JPH2: variants seen among roughly 807,000 people sequenced by gnomAD.
The protein encoded by JPH2 is junctophilin 2.
JPH2 carries 38 observed loss-of-function variants against 55.9 expected under a neutral mutation model. The observed-to-expected ratio is 0.68, with a 90% CI of 0.52 to 0.89. JPH2 has a LOEUF of 0.89. Ranked by LOEUF, JPH2 falls within the 40% of genes least tolerant of loss-of-function variation. The pLI, the probability that JPH2 is intolerant of heterozygous loss-of-function variation, is 0.00. For synonymous variants in JPH2, 480 were observed against 472.4 expected (o/e 1.02, Z -0.21); for missense variants, 964 against 1,037.6 (o/e 0.93, Z 0.97).
chr20:44,183,056 G>C (rs1443569660), intron 1 of JPH2, among the ~76,000 whole-genome samples: 1 of 151,602 alleles, frequency 6.6e-6, no homozygotes, highest in African/African-American at 2.4e-5. Context: ...CACACACACA[G>C]ACACGTGCAC....
At chr20:44,173,931 A>C (rs2072716038) in intron 1 of JPH2, among the ~76,000 whole-genome samples, 1 of 152,122 alleles carries the variant, frequency 6.6e-6, no homozygotes, top group African/African-American at 2.4e-5. Flanking sequence ...CAAACAAACA[A>C]ACAATTCATC....
At position 44,111,904 on chromosome 20, in the gene JPH2, A is replaced by G. The variant is rs2072148666; in HGVS notation, c.*1614T>C. ...CAGCACAGAGCAGTGGCCCCGCCCC[A>G]TTCCCCTCATGCTCCAGGAGTCTTG... On this transcript the variant is annotated 3_prime_UTR_variant, in exon 6 of 6. Coordinates refer to ENST00000372980, the MANE Select transcript of JPH2 (RefSeq NM_020433.5). 6.6e-6 allele frequency: 1 copy of G among 152,434 alleles called. No individual in the cohort carries two copies. Among genetic ancestry groups the G allele is most frequent in the South Asian group, 2.1e-4 (1 of 4,826 alleles). The allele number at this position is 152,434 out of a possible 1,614,324, so 9.4% of individuals were successfully genotyped here. A position where few individuals can be genotyped will look rare whatever the true frequency, so the allele number is the denominator to read the frequency against.
At chr20:44,185,390 G>A (rs570250196) in intron 1 of JPH2, among the ~76,000 whole-genome samples, 8 of 151,854 alleles carry the variant, frequency 5.3e-5, no homozygotes, top group Non-Finnish European at 8.8e-5. Context: ...TTGGGAGGCC[G>A]AGACAGGCAG....
At chr20:44,161,095 AATC>A (rs1169646722) in intron 1 of JPH2, among the ~76,000 whole-genome samples, 1 of 152,028 alleles carries the variant, frequency 6.6e-6, no homozygotes, top group Admixed American at 6.6e-5. Context: ...CACACACACA[AATC>A]ATGAGTGTGC....
chr20:44,182,888 G>C (rs2072797283), intron 1 of JPH2, among the ~76,000 whole-genome samples: 1 of 152,186 alleles, frequency 6.6e-6, no homozygotes, highest in Non-Finnish European at 1.5e-5. Flanking sequence ...AGTAGTACTG[G>C]TTGCATGAAT....
chr20:44,156,174 T>C (rs1305945593), intron 2 of JPH2, among the ~76,000 whole-genome samples: 2 of 152,030 alleles, frequency 1.3e-5, no homozygotes, highest in Admixed American at 1.3e-4. Flanking sequence ...GAAGAAGACA[T>C]TGATGGAAAA....
At chr20:44,114,951 T>C in intron 4 of JPH2, 75 bp from the exon 5 acceptor site, 1 of 1,184,116 alleles carries the variant, frequency 8.4e-7, no homozygotes, top group Non-Finnish European at 1.2e-6. Context: ...ACAGCAAGGC[T>C]GGACAGAGCA....
rs922344482 is a variant in JPH2 at position 44,116,322 on chromosome 20, C to T, written c.1353G>A (p.Glu451=). 2.6e-6 allele frequency: 4 copies of T among 1,544,770 alleles called. No homozygotes were observed. The highest frequency in any genetic ancestry group is 2.4e-5 in the South Asian group (2 of 83,808). ...EILENSESLL[E]PPDRGAGAAG... ...CTGCGCCGGCGCCCCGGTCGGGGGGCTCCAGCAGGCTCTCCGAGTTCTCCA... is the reference window on the plus strand; with the variant it reads ...CTGCGCCGGCGCCCCGGTCGGGGGGTTCCAGCAGGCTCTCCGAGTTCTCCA... Residue 451 remains glutamate, a synonymous_variant, in exon 4 of 6, where the codon GAG becomes GAA. Coordinates refer to ENST00000372980, the MANE Select transcript of JPH2 (RefSeq NM_020433.5).
chr20:44,176,423 G>T (rs571204035), intron 1 of JPH2, among the ~76,000 whole-genome samples: 140 of 149,718 alleles, frequency 9.4e-4, no homozygotes, highest in African/African-American at 2.9e-3. Context: ...CTCTTAAAGC[G>T]CTGGCCTTCT....
chr20:44,135,316 G>A (rs1184330717), intron 2 of JPH2, among the ~76,000 whole-genome samples: 3 of 152,036 alleles, frequency 2.0e-5, no homozygotes, highest in African/African-American at 7.3e-5. Flanking sequence ...AACCTCTCTG[G>A]TCTGACTCCA....
intron 2 of JPH2, among the ~76,000 whole-genome samples, chr20:44,143,692 C>A (rs1224592809): frequency 6.6e-6 from 1 of 152,242 alleles, no homozygotes; most frequent in Non-Finnish European, 1.5e-5. Flanking sequence ...GCACCTGAAT[C>A]CTTGTCTCAG....
chr20:44,175,562 C>G (rs530866672), intron 1 of JPH2, among the ~76,000 whole-genome samples: 2 of 152,190 alleles, frequency 1.3e-5, no homozygotes, highest in South Asian at 2.1e-4. Flanking sequence ...ACAGACAACC[C>G]GAAGCGGAGG....
At chr20:44,132,553 G>A (rs1315450733) in intron 2 of JPH2, among the ~76,000 whole-genome samples, 1 of 151,592 alleles carries the variant, frequency 6.6e-6, no homozygotes, top group Non-Finnish European at 1.5e-5. Flanking sequence ...TCAATTCAGG[G>A]CCCAAGCACG....
At chr20:44,165,496 C>A (rs6073353) in intron 1 of JPH2, among the ~76,000 whole-genome samples, 42,756 of 151,956 alleles carry the variant, frequency 0.28, 6,655 homozygotes, top group African/African-American at 0.42. Context: ...CCACTCTTGC[C>A]CCTCTATCCA....
intron 2 of JPH2, among the ~76,000 whole-genome samples, chr20:44,144,970 G>A (rs2072483116): frequency 1.4e-5 from 1 of 73,826 alleles, no homozygotes; most frequent in Non-Finnish European, 3.4e-5. Context: ...CCACCTTAGA[G>A]ATGAAGAAAT....
intron 2 of JPH2, among the ~76,000 whole-genome samples, chr20:44,145,554 A>G (rs2072488622): frequency 1.3e-5 from 2 of 151,672 alleles, no homozygotes; most frequent in African/African-American, 2.4e-5. Flanking sequence ...CAATAAGTCG[A>G]GATTCCACCA....
chr20:44,181,342 T>A (rs2072781832), intron 1 of JPH2, among the ~76,000 whole-genome samples: 1 of 152,158 alleles, frequency 6.6e-6, no homozygotes, highest in African/African-American at 2.4e-5. Flanking sequence ...ACACACGAAC[T>A]CTCACACATT....
chr20:44,123,908 C>G lies in JPH2; in HGVS notation c.1170-5285G>C, dbSNP rs1018168810. On this transcript the variant is annotated intron_variant, in intron 2 of 5. Coordinates refer to ENST00000372980, the MANE Select transcript of JPH2 (RefSeq NM_020433.5). ...AGCCTTGGATGTTTTCCTTTTAGCA[C>G]CAGGGTCCCTCCCTGAATCAAGGCC... Among the ~76,000 whole-genome samples the G allele has an allele frequency of 2.0e-5, 3 of 152,264 alleles. No individual in the cohort carries two copies. The East Asian group carries it at 5.8e-4, about 29-fold the overall frequency.
intron 1 of JPH2, among the ~76,000 whole-genome samples, chr20:44,164,517 A>G (rs547158003): frequency 6.6e-6 from 1 of 152,340 alleles, no homozygotes; most frequent in South Asian, 2.1e-4. Context: ...AGTGCTAGAA[A>G]AGAGAGTGTG....
Sources: gnomAD v4.1 joint callset for allele counts (sites outside exome capture counted in the v4.1 genomes callset) on GRCh38, gnomAD v4.1.1 for gene constraint, MANE v1.5 for transcripts, NCBI Gene and HGNC (gene_info 2026-07-23, HGNC 2026-07-21) for gene names.